Variants in FAM53B observed in about 807,000 individuals in gnomAD.
FAM53B encodes protein FAM53B.
Under a neutral mutation model 32.7 loss-of-function variants are expected in FAM53B, and 12 were observed. The ratio of observed to expected loss-of-function variants is 0.37; its 90% CI spans 0.24 to 0.59. The LOEUF is 0.59. Ranked by LOEUF, FAM53B falls within the 20% of genes least tolerant of loss-of-function variation. The pLI is 0.72. For missense variants in FAM53B, 477 were observed against 577.7 expected, an observed-to-expected ratio of 0.83 and a Z score of 1.79; for synonymous variants, 234 against 228.7, an observed-to-expected ratio of 1.02 and a Z score of -0.21.
At chr10:124,664,672 T>G (rs547717461) in intron 4 of FAM53B, among the ~76,000 whole-genome samples, 27 of 152,338 alleles carry the variant, frequency 1.8e-4, no homozygotes, top group African/African-American at 5.3e-4. Flanking sequence ...TCAGTACTCA[T>G]GCTCAGTGGT....
intron 1 of FAM53B, among the ~76,000 whole-genome samples, chr10:124,734,892 C>T (rs1381792719): frequency 2.6e-5 from 4 of 152,202 alleles, no homozygotes; most frequent in South Asian, 4.1e-4. Context: ...AGAAGCCAAG[C>T]GGCACAGCCT....
intron 4 of FAM53B, among the ~76,000 whole-genome samples, chr10:124,630,936 G>C (rs1472649435): frequency 1.3e-5 from 2 of 152,248 alleles, no homozygotes; most frequent in Admixed American, 6.5e-5. Context: ...GACTCACAGG[G>C]CAGGCGCCAT....
At chr10:124,631,300 C>T (rs1299317745) in intron 4 of FAM53B, among the ~76,000 whole-genome samples, 3 of 152,200 alleles carry the variant, frequency 2.0e-5, no homozygotes, top group Admixed American at 6.5e-5. Context: ...CTATGGCCTC[C>T]GGAGGCTGAA....
intron 1 of FAM53B, among the ~76,000 whole-genome samples, chr10:124,732,339 C>A (rs1340292088): frequency 6.6e-6 from 1 of 152,192 alleles, no homozygotes. Context: ...AGAAACCGGG[C>A]AGGATCAGCC....
chr10:124,726,255 G>C (rs1023620716), intron 1 of FAM53B, among the ~76,000 whole-genome samples: 1 of 152,190 alleles, frequency 6.6e-6, no homozygotes, highest in Non-Finnish European at 1.5e-5. Flanking sequence ...AAAGCCATGA[G>C]GTCAGAATTG....
At chr10:124,648,439 C>CACCT (rs1258378619) in intron 4 of FAM53B, among the ~76,000 whole-genome samples, 1 of 152,264 alleles carries the variant, frequency 6.6e-6, no homozygotes, top group Non-Finnish European at 1.5e-5. Context: ...GGCTCTCCAC[C>CACCT]ACCTGCCATA....
intron 4 of FAM53B, among the ~76,000 whole-genome samples, chr10:124,675,550 C>G (rs1949731740): frequency 6.6e-6 from 1 of 152,256 alleles, no homozygotes; most frequent in Admixed American, 6.5e-5. Context: ...ATTCCTCCCA[C>G]ACTCATGAGC....
intron 1 of FAM53B, among the ~76,000 whole-genome samples, chr10:124,714,505 A>G (rs1950026375): frequency 6.6e-6 from 1 of 152,204 alleles, no homozygotes. Context: ...TCACGCCTGT[A>G]ATCCCAGCAC....
rs562639680 is a variant in FAM53B, at chr10:124,682,965, T to C, written c.134-586A>G. 2.0e-5 allele frequency among the ~76,000 whole-genome samples: 3 copies of C among 152,266 alleles called. No homozygotes were observed. Among genetic ancestry groups the C allele is most frequent in the Non-Finnish European group, 4.4e-5 (3 of 68,044 alleles). On this transcript the variant is annotated intron_variant, in intron 3 of 4. Coordinates refer to ENST00000337318, the MANE Select transcript of FAM53B (RefSeq NM_014661.4). The surrounding 1 kb of genome is among the most constrained non-coding windows in gnomAD (Gnocchi z 5.2). The stretch of plus-strand genomic sequence containing the variant: ...TGCTGATAATAGAAGCTGGAACTTG[T>C]ACTGATTTAGGTCACCTCCGTCAAA...
intron 4 of FAM53B, among the ~76,000 whole-genome samples, chr10:124,650,722 AACT>A (rs1949550683): frequency 6.6e-6 from 1 of 152,110 alleles, no homozygotes; most frequent in Non-Finnish European, 1.5e-5. Flanking sequence ...CCAGAAGGAA[AACT>A]ACTTCTGCAG....
intron 4 of FAM53B, among the ~76,000 whole-genome samples, chr10:124,674,766 G>T (rs2134064725): frequency 6.6e-6 from 1 of 152,352 alleles, no homozygotes; most frequent in Non-Finnish European, 1.5e-5. Context: ...GCCTCAGCTG[G>T]TAAGGCCTTG....
chr10:124,689,709 C>G (rs901991305), intron 3 of FAM53B, among the ~76,000 whole-genome samples: 1 of 152,250 alleles, frequency 6.6e-6, no homozygotes, highest in Admixed American at 6.5e-5. Flanking sequence ...CCTGCCCTTA[C>G]CAGCAGAGTT....
chr10:124,730,974 T>C (rs1950138780), intron 1 of FAM53B, among the ~76,000 whole-genome samples: 1 of 152,220 alleles, frequency 6.6e-6, no homozygotes, highest in African/African-American at 2.4e-5. Flanking sequence ...CGGATGTGGC[T>C]GTGTCCCAAT....
intron 3 of FAM53B, among the ~76,000 whole-genome samples, chr10:124,693,178 G>A (rs1236268524): frequency 6.6e-6 from 1 of 152,048 alleles, no homozygotes; most frequent in Non-Finnish European, 1.5e-5. Flanking sequence ...CCCCACTGTT[G>A]AAAAGCAGGC....
intron 1 of FAM53B, among the ~76,000 whole-genome samples, chr10:124,708,423 T>C (rs1237572300): frequency 6.6e-6 from 1 of 152,178 alleles, no homozygotes; most frequent in Non-Finnish European, 1.5e-5. Context: ...AATCAATACA[T>C]GTTCAGGAAG....
intron 4 of FAM53B, among the ~76,000 whole-genome samples, chr10:124,664,963 C>A (rs1375193775): frequency 6.6e-6 from 1 of 152,238 alleles, no homozygotes; most frequent in South Asian, 2.1e-4. Context: ...CAAGGACAAA[C>A]CTGACAAAGC....
rs1949311837 is a variant in FAM53B at position 124,621,702 on chromosome 10, G to T, written c.*1540C>A. 1 of 152,274 alleles carries T rather than the reference G, an allele frequency of 6.6e-6. No individual in the cohort carries two copies. Among genetic ancestry groups the T allele is most frequent in the African/African-American group, 2.4e-5 (1 of 41,462 alleles). 9.4% of individuals were successfully genotyped at this position (152,274 alleles called of 1,614,324 possible). A position where few individuals can be genotyped will look rare whatever the true frequency, so the allele number is the denominator to read the frequency against. ...AAGCATCTTTCTTGAGGAGAAAGAAGGTGAGAAGCATCTGGACTCAACCTG... is the reference window on the plus strand; with the variant it reads ...AAGCATCTTTCTTGAGGAGAAAGAATGTGAGAAGCATCTGGACTCAACCTG... On this transcript the variant is annotated 3_prime_UTR_variant, in exon 5 of 5. Transcript: ENST00000337318.
intron 1 of FAM53B, among the ~76,000 whole-genome samples, chr10:124,737,422 T>G (rs1244565759): frequency 1.3e-5 from 2 of 152,134 alleles, no homozygotes; most frequent in African/African-American, 2.4e-5. Flanking sequence ...ATGTTTCACT[T>G]GGCTAATGAA....
intron 1 of FAM53B, among the ~76,000 whole-genome samples, chr10:124,736,489 G>T (rs939951376): frequency 2.6e-5 from 4 of 152,264 alleles, no homozygotes; most frequent in African/African-American, 4.8e-5. Flanking sequence ...AGAGAACTTA[G>T]TCTTTCCACT....
Sources: allele counts gnomAD v4.1 joint callset (sites outside exome capture counted in the v4.1 genomes callset), GRCh38; gene constraint gnomAD v4.1.1; non-coding constraint Gnocchi (gnomAD v3.1); transcripts MANE v1.5; gene names NCBI Gene and HGNC (gene_info 2026-07-23, HGNC 2026-07-21).